RP1L1: variants seen among roughly 807,000 people sequenced by gnomAD.
RP1L1 encodes the protein RP1 like 1, also known as retinitis pigmentosa 1-like 1 protein.
RP1L1 carries 27 observed loss-of-function variants against 15.7 expected under a neutral mutation model. The observed-to-expected ratio is 1.72, with a 90% CI of 1.27 to 2.38. RP1L1 has a LOEUF of 2.38. Ranked by LOEUF, RP1L1 falls within the 30% of genes most tolerant of loss-of-function variation. The pLI, the probability that RP1L1 is intolerant of heterozygous loss-of-function variation, is 0.00. For missense variants in RP1L1, 4,798 were observed against 3,075.9 expected, an observed-to-expected ratio of 1.56 and a Z score of -13.24; for synonymous variants, 1,813 against 1,276.7, an observed-to-expected ratio of 1.42 and a Z score of -8.96.
In RP1L1 at chr8:10,610,564, G is replaced by C; in HGVS notation, c.3534C>G (p.Ser1178Arg). The change falls in exon 4 of 4, where the codon AGC becomes AGG. Residue 1178 changes from serine to arginine, a missense_variant. By Grantham distance (110) the Ser-to-Arg change is moderately radical. Transcript: ENST00000382483. Reference sequence around the variant, plus strand: ...GGGACCCAAGGTCTGGCAGAGCCTGGCTCCATGTGAGCTCCCAGAGGCCTG... The same window carrying C: ...GGGACCCAAGGTCTGGCAGAGCCTGCCTCCATGTGAGCTCCCAGAGGCCTG... ...LDSGLWELTW[S>R]QALPDLGSHA... The C allele has an allele frequency of 1.2e-6, 2 of 1,613,646 alleles. No individual in the cohort carries two copies. Among genetic ancestry groups the C allele is most frequent in the South Asian group, 1.1e-5 (1 of 91,068 alleles).
At chr8:10,616,883 G>A (rs981620322) in intron 2 of RP1L1, among the ~76,000 whole-genome samples, 2 of 152,180 alleles carry the variant, frequency 1.3e-5, no homozygotes, top group Non-Finnish European at 2.9e-5. Context: ...GACTTCTGTA[G>A]GCCGCATTTC....
At chr8:10,653,415 C>G (rs1195763081) in intron 1 of RP1L1, among the ~76,000 whole-genome samples, 1 of 151,930 alleles carries the variant, frequency 6.6e-6, no homozygotes, top group Non-Finnish European at 1.5e-5. Flanking sequence ...CACTTCGTGA[C>G]TGCAGGTCCA....
At chr8:10,649,026 C>T (rs774874448) in intron 1 of RP1L1, among the ~76,000 whole-genome samples, 7 of 152,164 alleles carry the variant, frequency 4.6e-5, no homozygotes, top group South Asian at 2.1e-4. Flanking sequence ...TACTTTCATG[C>T]GGAGCTGCAG....
intron 1 of RP1L1, among the ~76,000 whole-genome samples, chr8:10,642,502 T>A (rs1050697847): frequency 6.6e-6 from 1 of 152,198 alleles, no homozygotes; most frequent in Admixed American, 6.5e-5. Context: ...GTTACCATAG[T>A]GAAACCTAGT....
chr8:10,606,727 T>TA lies in RP1L1; in HGVS notation c.*167dup. 8.6e-7 allele frequency: 1 copy of TA among 1,161,502 alleles called. No individual in the cohort carries two copies. The highest frequency in any genetic ancestry group is 1.5e-5 in the African/African-American group (1 of 64,852). 71.9% of individuals were successfully genotyped at this position (1,161,502 alleles called of 1,614,324 possible). ...CAGAGCTCTCTGACACTTCTGGACT[T>TA]AAGAGTCCCAGGACAGCATGGCATG... is the stretch of plus-strand genomic sequence containing the variant. On this transcript the variant is annotated 3_prime_UTR_variant, in exon 4 of 4. Transcript: ENST00000382483.
At position 10,607,771 on chromosome 8, in the gene RP1L1, C is replaced by G; in HGVS notation, c.6327G>C (p.Glu2109Asp). ...CCTCTATACCTTCTGCCTTCTGGGC[C>G]TCCCCTTCTGCCTCTGGGGCCTCTA... ...EGVEAPEAEG[E>D]AQKAEGIEAP... The change falls in exon 4 of 4, where the codon GAG (glutamate) becomes GAC (aspartate). Residue 2109 changes from glutamate to aspartate, a missense_variant. Coordinates refer to ENST00000382483, the MANE Select transcript of RP1L1 (RefSeq NM_178857.6). 6.2e-7 allele frequency: 1 copy of G among 1,609,108 alleles called. No homozygotes were observed. Among genetic ancestry groups the G allele is most frequent in the East Asian group, 2.3e-5 (1 of 44,384 alleles).
At position 10,646,846 on chromosome 8, in the gene RP1L1, T is replaced by C. The variant is rs562959552; in HGVS notation, c.-20+8052A>G. Among the ~76,000 whole-genome samples the C allele has an allele frequency of 2.6e-5, 4 of 152,334 alleles. No homozygotes were observed. In the South Asian group the frequency reaches 8.3e-4, roughly 32 times the overall value. On this transcript the variant is annotated intron_variant, in intron 1 of 3. Coordinates refer to ENST00000382483, the MANE Select transcript of RP1L1 (RefSeq NM_178857.6). ...GAGGCTATGAAGATCACAGTGAAGATTAAACAAAGATGGGTATTAAAGGCC... is the reference window on the plus strand; with the variant it reads ...GAGGCTATGAAGATCACAGTGAAGACTAAACAAAGATGGGTATTAAAGGCC...
At chr8:10,628,658 T>C (rs1028172439) in intron 1 of RP1L1, among the ~76,000 whole-genome samples, 3 of 152,196 alleles carry the variant, frequency 2.0e-5, no homozygotes, top group East Asian at 1.9e-4. Flanking sequence ...TTCCTGAATA[T>C]AGACTTTCTT....
At chr8:10,615,544 C>A (rs1430273241) in intron 3 of RP1L1, among the ~76,000 whole-genome samples, 2 of 152,082 alleles carry the variant, frequency 1.3e-5, no homozygotes, top group Non-Finnish European at 2.9e-5. Context: ...GTAGTTGTTT[C>A]TTTTTTGAGG....
chr8:10,648,618 G>T, intron 1 of RP1L1, among the ~76,000 whole-genome samples: 1 of 152,150 alleles, frequency 6.6e-6, no homozygotes, highest in South Asian at 2.1e-4. Flanking sequence ...AAGGCCCTAG[G>T]TTCCCTGTCT....
At chr8:10,643,844 G>C (rs1360100506) in intron 1 of RP1L1, among the ~76,000 whole-genome samples, 1 of 152,010 alleles carries the variant, frequency 6.6e-6, no homozygotes, top group Admixed American at 6.6e-5. Flanking sequence ...CATGTCGATA[G>C]TGCCATGGAA....
At position 10,611,842 on chromosome 8, in the gene RP1L1, G is replaced by C. The variant is rs765371422; in HGVS notation, c.2256C>G (p.Val752=). The change falls in exon 4 of 4, where the codon GTC becomes GTG. Residue 752 remains valine, a synonymous_variant. Coordinates refer to ENST00000382483, the MANE Select transcript of RP1L1 (RefSeq NM_178857.6). ...CGGCAGAGGGAGCGTTGTGCGGGGA[G>C]ACTCCAGAAACAAAATCCGAGTGGA... ...PAVHSDFVSG[V]SPHNAPSAGW... 1 of 1,613,774 alleles carries C rather than the reference G, an allele frequency of 6.2e-7. No individual in the cohort carries two copies. The highest frequency in any genetic ancestry group is 8.5e-7 in the Non-Finnish European group (1 of 1,180,036).
intron 2 of RP1L1, chr8:10,621,565 A>T: frequency 2.6e-6 from 1 of 384,726 alleles, no homozygotes; most frequent in Non-Finnish European, 5.2e-6. Context: ...ACCTCAGGTG[A>T]TCCGCCTGCC....
chr8:10,610,568 C>T lies in RP1L1; in HGVS notation c.3530G>A (p.Trp1177Ter), dbSNP rs1797827623. ...CCCAAGGTCTGGCAGAGCCTGGCTC[C>T]ATGTGAGCTCCCAGAGGCCTGAGTC... is the stretch of plus-strand genomic sequence containing the variant. ...QLDSGLWELT[W>*]SQALPDLGSH... The change falls in exon 4 of 4, where the codon TGG becomes TAG. Residue 1177 changes from tryptophan (W) to a stop codon, truncating the protein, a stop_gained. Coordinates refer to ENST00000382483, the MANE Select transcript of RP1L1 (RefSeq NM_178857.6). LOFTEE classifies it low-confidence loss of function (END_TRUNC). The T allele has an allele frequency of 1.2e-6, 2 of 1,613,534 alleles. No homozygotes were observed. The highest frequency in any genetic ancestry group is 8.5e-7 in the Non-Finnish European group (1 of 1,180,032).
chr8:10,630,444 C>T (rs1798224281), intron 1 of RP1L1, among the ~76,000 whole-genome samples: 1 of 152,220 alleles, frequency 6.6e-6, no homozygotes, highest in Non-Finnish European at 1.5e-5. Flanking sequence ...CTCAGCCAGC[C>T]TGGGCCTTCA....
At position 10,612,042 on chromosome 8, in the gene RP1L1, C is replaced by G. The variant is rs1797868274; in HGVS notation, c.2056G>C (p.Val686Leu). 1 of 1,613,790 alleles carries G rather than the reference C, an allele frequency of 6.2e-7. No individual in the cohort carries two copies. The highest frequency in any genetic ancestry group is 8.5e-7 in the Non-Finnish European group (1 of 1,180,044). Residue 686 changes from valine (V) to leucine (L), a missense_variant, in exon 4 of 4, where the codon GTG (valine) becomes CTG (leucine). Val to Leu is a conservative substitution (Grantham distance 32, BLOSUM62 1). Coordinates refer to ENST00000382483, the MANE Select transcript of RP1L1 (RefSeq NM_178857.6). ...CTTCGCCGCTCAGGAGGCCTCGGCA[C>G]TTGCTTGGTTACAGAGGAGTCCAGT... ...SPLDSSVTKQ[V>L]PRPPERRRAC...
chr8:10,623,960 A>G (rs1329068574), intron 1 of RP1L1, among the ~76,000 whole-genome samples: 2 of 150,630 alleles, frequency 1.3e-5, no homozygotes, highest in Non-Finnish European at 3.0e-5. Flanking sequence ...CATCCCTGGC[A>G]TCACCATGTC....
chr8:10,635,222 T>C (rs1162160113), intron 1 of RP1L1, among the ~76,000 whole-genome samples: 1 of 152,162 alleles, frequency 6.6e-6, no homozygotes, highest in East Asian at 1.9e-4. Flanking sequence ...CTCTGGAAAC[T>C]GGGGGAGGAA....
At chr8:10,641,387 A>C (rs772759612) in intron 1 of RP1L1, among the ~76,000 whole-genome samples, 1 of 152,206 alleles carries the variant, frequency 6.6e-6, no homozygotes, top group Non-Finnish European at 1.5e-5. Context: ...TATCAATGAG[A>C]AATAAATGTG....
Sources: gnomAD v4.1 joint callset for allele counts (sites outside exome capture counted in the v4.1 genomes callset) on GRCh38, gnomAD v4.1.1 for gene constraint, MANE v1.5 for transcripts, NCBI Gene and HGNC (gene_info 2026-07-23, HGNC 2026-07-21) for gene names.